Variants in GALNT13 observed in about 807,000 individuals in gnomAD.
GALNT13 encodes the protein UDP-GalNAc:polypeptide N-acetylgalactosaminyltransferase 13.
In GALNT13, 28 loss-of-function variants were observed where a neutral mutation model predicts 64.2. That is an observed-to-expected ratio of 0.44 (90% CI 0.32 to 0.60). The LOEUF is 0.60. GALNT13 is among the 20% of genes least tolerant of loss of function. GALNT13 has a pLI of 0.05. For synonymous variants in GALNT13, 214 were observed against 224.6 expected (o/e 0.95, Z 0.42); for missense variants, 577 against 669.8 (o/e 0.86, Z 1.53).
At chr2:153,474,723 A>G in the GALNT13 span, among the ~76,000 whole-genome samples, 6 of 152,094 alleles carry the variant, frequency 3.9e-5, no homozygotes. Flanking sequence ...TTCTCCCTGC[A>G]TTTGCTGTAT....
chr2:154,228,239 G>A (rs1366164364), intron 4 of GALNT13, among the ~76,000 whole-genome samples: 3 of 151,266 alleles, frequency 2.0e-5, no homozygotes, highest in African/African-American at 7.3e-5. Context: ...TTAAATGAGC[G>A]CTGGCAGAGA....
At chr2:153,319,032 T>C in the GALNT13 span, among the ~76,000 whole-genome samples, 27 of 152,288 alleles carry the variant, frequency 1.8e-4, no homozygotes, top group African/African-American at 6.5e-4. Flanking sequence ...TTCAGAGAAG[T>C]TATACAACAT....
At chr2:154,255,714 G>T (rs984149731) in intron 7 of GALNT13, among the ~76,000 whole-genome samples, 12 of 152,184 alleles carry the variant, frequency 7.9e-5, no homozygotes, top group South Asian at 4.1e-4. Flanking sequence ...TAGATTTCAT[G>T]CATTTCCTTG....
At chr2:153,717,877 C>G in the GALNT13 span, among the ~76,000 whole-genome samples, 5 of 152,146 alleles carry the variant, frequency 3.3e-5, no homozygotes. Flanking sequence ...GCATTTGGTG[C>G]TTGGCCATCA....
At chr2:154,229,142 A>T (rs898281934) in intron 4 of GALNT13, among the ~76,000 whole-genome samples, 1 of 151,998 alleles carries the variant, frequency 6.6e-6, no homozygotes, top group South Asian at 2.1e-4. Context: ...AAAGAAAAAA[A>T]AATGCTTCTC....
At chr2:153,320,267 C>A in the GALNT13 span, among the ~76,000 whole-genome samples, 1 of 152,162 alleles carries the variant, frequency 6.6e-6, no homozygotes, top group East Asian at 1.9e-4. Context: ...TACTAATGTG[C>A]ATTTATTCAC....
intron 3 of GALNT13, among the ~76,000 whole-genome samples, chr2:154,022,317 T>A (rs187649156): frequency 9.8e-5 from 15 of 152,322 alleles, no homozygotes; most frequent in Admixed American, 3.3e-4. Flanking sequence ...AATTCGGCTG[T>A]GAATCCATCT....
the GALNT13 span, among the ~76,000 whole-genome samples, chr2:153,609,903 G>A: frequency 6.6e-6 from 1 of 152,080 alleles, no homozygotes; most frequent in African/African-American, 2.4e-5. Context: ...TCACGATGCA[G>A]CAAATGACAT....
the GALNT13 span, chr2:153,158,985 C>A: frequency 6.4e-6 from 1 of 157,372 alleles, no homozygotes; most frequent in East Asian, 1.7e-4. Context: ...AGCCCTCTCC[C>A]TGAAGAAGGC....
At chr2:153,251,129 A>C in the GALNT13 span, among the ~76,000 whole-genome samples, 1 of 152,352 alleles carries the variant, frequency 6.6e-6, no homozygotes, top group African/African-American at 2.4e-5. Context: ...TATTTAGTAT[A>C]AAAATTTTAC....
chr2:154,088,603 C>T (rs1701649401), intron 3 of GALNT13, among the ~76,000 whole-genome samples: 1 of 152,124 alleles, frequency 6.6e-6, no homozygotes. Flanking sequence ...AGGTGCCTGC[C>T]ACCACACCCA....
intron 3 of GALNT13, among the ~76,000 whole-genome samples, chr2:154,130,145 A>G (rs1321337460): frequency 6.6e-6 from 1 of 152,142 alleles, no homozygotes; most frequent in Non-Finnish European, 1.5e-5. Context: ...AACTGGTCAT[A>G]AGGTACTCCC....
the GALNT13 span, among the ~76,000 whole-genome samples, chr2:153,270,332 A>C: frequency 6.6e-6 from 1 of 152,184 alleles, no homozygotes; most frequent in Non-Finnish European, 1.5e-5. Flanking sequence ...TAGACACTAG[A>C]CTGAGTTCTG....
chr2:153,421,494 A>C, the GALNT13 span: 1 of 220,072 alleles, frequency 4.5e-6, no homozygotes, highest in African/African-American at 2.3e-5. Flanking sequence ...GGAGAACTTC[A>C]GTTTAGACTT....
chr2:153,902,843 G>C (rs1688323288), intron 2 of GALNT13, among the ~76,000 whole-genome samples: 4 of 152,036 alleles, frequency 2.6e-5, no homozygotes, highest in Admixed American at 1.3e-4. Flanking sequence ...ATTGTCCCAG[G>C]TCACAAAAGT....
chr2:153,653,851 G>T, the GALNT13 span, among the ~76,000 whole-genome samples: 1 of 152,082 alleles, frequency 6.6e-6, no homozygotes, highest in African/African-American at 2.4e-5. Context: ...AGAATTTCAT[G>T]TCATAGAGAA....
intron 1 of GALNT13, among the ~76,000 whole-genome samples, chr2:153,880,637 G>A (rs763009818): frequency 5.3e-5 from 8 of 151,998 alleles, no homozygotes; most frequent in East Asian, 1.9e-4. Context: ...ATATTTCTTC[G>A]ATTCTCTTGA....
intron 3 of GALNT13, among the ~76,000 whole-genome samples, chr2:154,010,326 G>A (rs188052796): frequency 3.6e-4 from 55 of 152,212 alleles, no homozygotes; most frequent in African/African-American, 1.3e-3. Flanking sequence ...CTTGAAAACC[G>A]TTTCCGTGTC....
intron 3 of GALNT13, among the ~76,000 whole-genome samples, chr2:153,996,538 A>G (rs1005941299): frequency 1.3e-5 from 2 of 151,824 alleles, no homozygotes; most frequent in Non-Finnish European, 2.9e-5. Context: ...CTTTTTTGCT[A>G]TTGAATTGTG....
Sources: gnomAD v4.1 joint callset for allele counts (sites outside exome capture counted in the v4.1 genomes callset) on GRCh38, gnomAD v4.1.1 for gene constraint, MANE v1.5 for transcripts, NCBI Gene and HGNC (gene_info 2026-07-23, HGNC 2026-07-21) for gene names.